The following MBNL3 variants were observed in gnomAD, a reference collection of about 807,000 sequenced individuals.
The protein encoded by MBNL3 is muscleblind-like protein 3.
Under a neutral mutation model 24.5 loss-of-function variants are expected in MBNL3, and 6 were observed. The observed-to-expected ratio is 0.25, with a 90% CI of 0.13 to 0.48. MBNL3 has a LOEUF of 0.48. MBNL3 is among the 20% of genes least tolerant of loss of function. The pLI is 0.99. For synonymous variants in MBNL3, 100 were observed against 101.7 expected, an observed-to-expected ratio of 0.98 and a Z score of 0.10; for missense variants, 230 against 293.5, an observed-to-expected ratio of 0.78 and a Z score of 1.58.
intron 1 of MBNL3, among the ~76,000 whole-genome samples, chrX:132,451,664 T>A (rs1350857735): frequency 9.0e-6 from 1 of 110,942 alleles, no homozygotes; most frequent in Non-Finnish European, 1.9e-5. Flanking sequence ...CAGCCCCCTT[T>A]CCAGAGAAGT....
intron 1 of MBNL3, among the ~76,000 whole-genome samples, chrX:132,460,287 G>C (rs1349841996): frequency 9.0e-6 from 1 of 111,632 alleles, no homozygotes; most frequent in African/African-American, 3.3e-5. Flanking sequence ...TAAACAACTA[G>C]GTTCTTACTT....
intron 1 of MBNL3, among the ~76,000 whole-genome samples, chrX:132,487,178 A>G (rs758730001): frequency 4.9e-4 from 54 of 109,468 alleles, no homozygotes; most frequent in African/African-American, 1.7e-3. Context: ...TTAAGGATGC[A>G]TTTGGTCCGA....
rs894838965 is a variant in MBNL3 at position 132,456,814 on chromosome X, G to C, written c.-703-16500C>G. 2.7e-5 allele frequency among the ~76,000 whole-genome samples: 3 copies of C among 111,661 alleles called. No individual in the cohort carries two copies. The Admixed American group carries it at 2.9e-4, about 11-fold the overall frequency. On this transcript the variant is annotated intron_variant, in intron 1 of 8. Transcript: ENST00000370853. ...CTACTCCCTACCCATGGAAGCCAGA[G>C]CATCCTGAATTGCTTATAATTTGGA...
Position 132,486,461 on chromosome X carries a change from T to G in MBNL3, c.-704+2390A>C, listed in dbSNP as rs1206209859. On this transcript the variant is annotated intron_variant, in intron 1 of 8. Coordinates refer to ENST00000370853, the MANE Select transcript of MBNL3 (RefSeq NM_001386889.1). ...AAGTATCACAGTGAAGCTGGAGAGA[T>G]AATAATACACCTACTGGTCAAAAGC... 4.5e-5 allele frequency among the ~76,000 whole-genome samples: 5 copies of G among 111,966 alleles called. No individual in the cohort carries two copies. In the Admixed American group the frequency reaches 4.7e-4, roughly 11 times the overall value.
intron 2 of MBNL3, among the ~76,000 whole-genome samples, chrX:132,409,350 T>C (rs1942373615): frequency 8.9e-6 from 1 of 111,984 alleles, no homozygotes; most frequent in Non-Finnish European, 1.9e-5. Flanking sequence ...AGGGAGGGAC[T>C]GTCCCAGTGG....
intron 2 of MBNL3, among the ~76,000 whole-genome samples, chrX:132,422,764 T>C (rs754953985): frequency 1.8e-5 from 2 of 111,928 alleles, no homozygotes; most frequent in Admixed American, 1.9e-4. Flanking sequence ...AAACCAATTA[T>C]GGTTTTCTCT....
intron 1 of MBNL3, among the ~76,000 whole-genome samples, chrX:132,474,747 A>G (rs1359167189): frequency 1.8e-5 from 2 of 111,022 alleles, no homozygotes; most frequent in African/African-American, 3.3e-5. Context: ...TAATAAGAAA[A>G]CCCTTCCTTC....
intron 1 of MBNL3, among the ~76,000 whole-genome samples, chrX:132,466,110 C>T (rs905638523): frequency 4.5e-5 from 5 of 111,983 alleles, no homozygotes; most frequent in Non-Finnish European, 9.4e-5. Flanking sequence ...AAAAACAAAA[C>T]CCTTATAAAT....
intron 1 of MBNL3, among the ~76,000 whole-genome samples, chrX:132,465,646 T>A (rs925411685): frequency 8.9e-5 from 10 of 112,208 alleles, no homozygotes; most frequent in South Asian, 3.7e-4. Context: ...ATGATATTGA[T>A]GACAGAAAAA....
chrX:132,487,832 A>G (rs1261100722), intron 1 of MBNL3, among the ~76,000 whole-genome samples: 1 of 112,349 alleles, frequency 8.9e-6, no homozygotes, highest in Non-Finnish European at 1.9e-5. Context: ...CTCATTGTCT[A>G]TTTACCTTTC....
rs1407471630 is a variant in MBNL3 at position 132,376,226 on chromosome X, AT to A, written c.*3439del. ...AGAGAAGATGACTTTCCACATCATG[AT>A]TAACTACAAATTAAAGCCTCTGATC... On this transcript the variant is annotated 3_prime_UTR_variant, in exon 9 of 9. Coordinates refer to ENST00000370853, the MANE Select transcript of MBNL3 (RefSeq NM_001386889.1). The A allele has an allele frequency of 3.6e-5, 4 of 111,513 alleles. No individual in the cohort carries two copies. The highest frequency in any genetic ancestry group is 1.3e-4 in the African/African-American group (4 of 30,809). The allele number at this position is 111,513 out of a possible 1,213,427, so 9.2% of individuals were successfully genotyped here.
At chrX:132,449,252 T>C (rs1945912252) in intron 1 of MBNL3, among the ~76,000 whole-genome samples, 2 of 111,102 alleles carry the variant, frequency 1.8e-5, no homozygotes, top group Non-Finnish European at 3.8e-5. Context: ...AGTCTCCCAC[T>C]ATTATTGTGT....
chrX:132,397,492 G>A (rs907886551), intron 3 of MBNL3, among the ~76,000 whole-genome samples: 1 of 110,863 alleles, frequency 9.0e-6, no homozygotes, highest in Non-Finnish European at 1.9e-5. Context: ...CAGAATAATC[G>A]GGGCCTTCCA....
At chrX:132,431,935 C>T (rs751139112) in intron 2 of MBNL3, 3 of 111,863 alleles carry the variant, frequency 2.7e-5, no homozygotes, top group East Asian at 2.8e-4. Flanking sequence ...TATCTACATA[C>T]TTACATATGC....
At position 132,381,808 on chromosome X, in the gene MBNL3, T is replaced by C. The variant is rs552715916; in HGVS notation, c.1053+370A>G. Among the ~76,000 whole-genome samples, 10 of 112,368 alleles carry C rather than the reference T, an allele frequency of 8.9e-5. No homozygotes were observed. In the South Asian group the frequency reaches 3.7e-3, roughly 41 times the overall value. On this transcript the variant is annotated intron_variant, in intron 8 of 8. Transcript: ENST00000370853. Reference sequence around the variant, plus strand: ...TGGATCTGAAGGTAAAGGTGATGACTGTACTAAGCCAAAGTTTAAACACAA... The same window carrying C: ...TGGATCTGAAGGTAAAGGTGATGACCGTACTAAGCCAAAGTTTAAACACAA...
At chrX:132,403,377 C>A (rs143071153) in intron 3 of MBNL3, among the ~76,000 whole-genome samples, 132 of 111,518 alleles carry the variant, frequency 1.2e-3, no homozygotes, top group African/African-American at 3.7e-3. Flanking sequence ...ATTAAATAAT[C>A]TACAAGGTAG....
intron 3 of MBNL3, among the ~76,000 whole-genome samples, chrX:132,404,538 T>A (rs1432210466): frequency 8.9e-6 from 1 of 112,239 alleles, no homozygotes; most frequent in African/African-American, 3.2e-5. Flanking sequence ...TTTACCAACA[T>A]AATTAATCTG....
intron 1 of MBNL3, among the ~76,000 whole-genome samples, chrX:132,478,055 A>G: frequency 8.9e-6 from 1 of 111,868 alleles, no homozygotes; most frequent in Non-Finnish European, 1.9e-5. Context: ...TGAAAATCAA[A>G]AACAATTTTT....
chrX:132,430,041 T>C (rs1461275482), intron 2 of MBNL3: 1 of 111,278 alleles, frequency 9.0e-6, no homozygotes, highest in African/African-American at 3.3e-5. Flanking sequence ...ACTATGAAGA[T>C]ATCTGAGTCA....
Sources: allele counts gnomAD v4.1 joint callset (sites outside exome capture counted in the v4.1 genomes callset), GRCh38; gene constraint gnomAD v4.1.1; transcripts MANE v1.5; gene names NCBI Gene and HGNC (gene_info 2026-07-23, HGNC 2026-07-21).